TENM3: variants seen among roughly 807,000 people sequenced by gnomAD.
The protein encoded by TENM3 is teneurin-3.
A neutral mutation model predicts 255.1 loss-of-function variants in TENM3; 63 were observed. The ratio of observed to expected loss-of-function variants is 0.25; its 90% CI spans 0.20 to 0.30. TENM3 has a LOEUF of 0.30. TENM3 is among the 10% of genes least tolerant of loss of function. The pLI is 1.00. For synonymous variants in TENM3, 1,306 were observed against 1,322.3 expected (o/e 0.99, Z 0.27); for missense variants, 2,929 against 3,461.1 (o/e 0.85, Z 3.86).
chr4:182,653,405 A>C (rs1465422643), intron 5 of TENM3, among the ~76,000 whole-genome samples: 1 of 152,210 alleles, frequency 6.6e-6, no homozygotes, highest in Non-Finnish European at 1.5e-5. Flanking sequence ...TAAATTTGCA[A>C]GTGACCTGTG....
At chr4:182,550,051 AAAT>A (rs1286419369) in intron 3 of TENM3, among the ~76,000 whole-genome samples, 1 of 152,234 alleles carries the variant, frequency 6.6e-6, no homozygotes, top group Non-Finnish European at 1.5e-5. Flanking sequence ...GGTCTAATAA[AAAT>A]TCCGCTCAAA....
chr4:181,679,465 A>G, the TENM3 span, among the ~76,000 whole-genome samples: 2 of 152,172 alleles, frequency 1.3e-5, no homozygotes, highest in African/African-American at 4.8e-5. Flanking sequence ...ATTTTTTCTT[A>G]CATAAAATTC....
At chr4:182,675,212 T>A (rs1160359901) in intron 7 of TENM3, among the ~76,000 whole-genome samples, 1 of 152,082 alleles carries the variant, frequency 6.6e-6, no homozygotes, top group East Asian at 1.9e-4. Context: ...TTGACTCCAG[T>A]TCATCTTATA....
chr4:182,788,047 GGTT>G (rs2048502193), intron 24 of TENM3, among the ~76,000 whole-genome samples: 1 of 152,210 alleles, frequency 6.6e-6, no homozygotes, highest in African/African-American at 2.4e-5. Flanking sequence ...AAACGTGAGT[GGTT>G]GTGTGTGTGT....
At chr4:181,548,301 C>T in the TENM3 span, among the ~76,000 whole-genome samples, 1 of 152,238 alleles carries the variant, frequency 6.6e-6, no homozygotes, top group Non-Finnish European at 1.5e-5. Context: ...CCCAGCCATC[C>T]CATTACTGGG....
At chr4:182,690,771 T>A (rs1756953348) in intron 12 of TENM3, among the ~76,000 whole-genome samples, 1 of 152,238 alleles carries the variant, frequency 6.6e-6, no homozygotes, top group Non-Finnish European at 1.5e-5. Flanking sequence ...GATGAGCTGT[T>A]CTTGAACAAA....
chr4:182,662,689 A>G lies in TENM3; in HGVS notation c.1111+8796A>G, dbSNP rs79394115. 2.3e-3 allele frequency among the ~76,000 whole-genome samples: 352 copies of G among 152,304 alleles called. 9 individuals carry two copies. The East Asian group carries it at 0.052, about 23-fold the overall frequency. ...TCTTCTGAAGCCAAAGTTTTCTGGA[A>G]TTCGGGACATGATGAAAGACTTCTG... On this transcript the variant is annotated intron_variant, in intron 6 of 27. Transcript: ENST00000511685.
the TENM3 span, among the ~76,000 whole-genome samples, chr4:181,669,860 C>T: frequency 3.9e-5 from 6 of 152,078 alleles, no homozygotes; most frequent in Admixed American, 2.6e-4. Context: ...GGGAGAACTT[C>T]GGTGTGTATC....
chr4:181,870,936 T>C, the TENM3 span, among the ~76,000 whole-genome samples: 3 of 152,118 alleles, frequency 2.0e-5, no homozygotes, highest in Non-Finnish European at 4.4e-5. Context: ...TATCTTGAAT[T>C]AGTTTTTTAT....
chr4:181,450,753 G>A, the TENM3 span, among the ~76,000 whole-genome samples: 2 of 152,192 alleles, frequency 1.3e-5, no homozygotes, highest in South Asian at 2.1e-4. Flanking sequence ...ACCTACATGC[G>A]CGATTCTAGA....
At chr4:181,448,961 G>A in the TENM3 span, among the ~76,000 whole-genome samples, 5 of 152,102 alleles carry the variant, frequency 3.3e-5, no homozygotes, top group Admixed American at 2.0e-4. Flanking sequence ...CCCTCTGAGT[G>A]TTCAACTATT....
intron 12 of TENM3, among the ~76,000 whole-genome samples, chr4:182,701,346 G>T (rs896794424): frequency 6.8e-6 from 1 of 147,946 alleles, no homozygotes; most frequent in African/African-American, 2.5e-5. Context: ...TCAGCCTCCC[G>T]AGTAGCTGGG....
chr4:181,467,101 G>A, the TENM3 span, among the ~76,000 whole-genome samples: 8,922 of 62,992 alleles, frequency 0.14, 1,135 homozygotes, highest in African/African-American at 0.22. Context: ...GTGTGTGTGT[G>A]TGTATATATA....
intron 3 of TENM3, among the ~76,000 whole-genome samples, chr4:182,443,968 CT>C (rs1012776652): frequency 6.6e-6 from 1 of 152,100 alleles, no homozygotes; most frequent in African/African-American, 2.4e-5. Flanking sequence ...GAGAACTCAC[CT>C]TTAGAAATGA....
chr4:182,433,018 G>A (rs557449237), intron 3 of TENM3, among the ~76,000 whole-genome samples: 4 of 152,142 alleles, frequency 2.6e-5, no homozygotes, highest in Admixed American at 2.0e-4. Context: ...TTTTAAACAG[G>A]TGTTTCTGAA....
At position 182,577,473 on chromosome 4, in the gene TENM3, G is replaced by A. The variant is rs772163631; in HGVS notation, c.512-23451G>A. Among the ~76,000 whole-genome samples, 5 of 152,256 alleles carry A rather than the reference G, an allele frequency of 3.3e-5. 1 individual carries two copies. The highest frequency in any genetic ancestry group is 4.2e-4 in the South Asian group (2 of 4,814). On this transcript the variant is annotated intron_variant, in intron 3 of 27. Transcript: ENST00000511685. Reference sequence around the variant, plus strand: ...GGAATCAGATTGGATATCAGCCCACGAGGCATTTCTAAAGGTATTAAGAGT... The same window carrying A: ...GGAATCAGATTGGATATCAGCCCACAAGGCATTTCTAAAGGTATTAAGAGT...
At chr4:182,521,574 A>T (rs1232833679) in intron 3 of TENM3, among the ~76,000 whole-genome samples, 1 of 150,780 alleles carries the variant, frequency 6.6e-6, no homozygotes, top group Non-Finnish European at 1.5e-5. Context: ...TTGGGTAGCA[A>T]ATGGGGGGGT....
intron 12 of TENM3, among the ~76,000 whole-genome samples, chr4:182,693,083 TC>T (rs1757132809): frequency 6.6e-6 from 1 of 152,188 alleles, no homozygotes; most frequent in Non-Finnish European, 1.5e-5. Context: ...GAAACCATCT[TC>T]ACTTTTTCAG....
At chr4:182,288,868 AAAAT>A (rs1437889581) in intron 1 of TENM3, among the ~76,000 whole-genome samples, 1 of 152,184 alleles carries the variant, frequency 6.6e-6, no homozygotes, top group Non-Finnish European at 1.5e-5. Context: ...GCCGAAAAAT[AAAAT>A]AAATAAAGGT....
Sources: gnomAD v4.1 joint callset for allele counts (sites outside exome capture counted in the v4.1 genomes callset) on GRCh38, gnomAD v4.1.1 for gene constraint, MANE v1.5 for transcripts, NCBI Gene and HGNC (gene_info 2026-07-23, HGNC 2026-07-21) for gene names.